The following MCM6 variants were observed in gnomAD, a reference collection of about 807,000 sequenced individuals.
MCM6 encodes DNA replication licensing factor MCM6.
MCM6 carries 46 observed loss-of-function variants against 94.3 expected under a neutral mutation model. The ratio of observed to expected loss-of-function variants is 0.49; its 90% CI spans 0.39 to 0.62. The LOEUF (loss-of-function observed/expected upper bound fraction) is 0.62, where lower values mean the gene tolerates loss of function less well. Among genes scored for constraint, MCM6 ranks in the 20% least tolerant of loss-of-function variants. MCM6 has a pLI of 0.00. For missense variants in MCM6, 865 were observed against 1,017.9 expected (o/e 0.85, Z 2.04); for synonymous variants, 335 against 351.9 (o/e 0.95, Z 0.54).
chr2:135,853,978 G>C (rs1447033114), intron 11 of MCM6, among the ~76,000 whole-genome samples: 1 of 152,160 alleles, frequency 6.6e-6, no homozygotes, highest in Non-Finnish European at 1.5e-5. Flanking sequence ...TGTAATCCTA[G>C]CACTTTGAGA....
In MCM6 at chr2:135,846,323, G is replaced by A; in HGVS notation, c.2123C>T (p.Ala708Val). The change falls in exon 15 of 17, where the codon GCT becomes GTT. Residue 708 changes from alanine to valine, a missense_variant. This residue lies in a region of MCM6 where 308 missense variants were observed against 324.5 expected (regional missense o/e 0.95). Transcript: ENST00000264156. Reference sequence around the variant, plus strand: ...GCCCAGCCTTAAGGAGGCTTTGGGAGCAGACTCTTGATTTATGTCTTCATT... The same window carrying A: ...GCCCAGCCTTAAGGAGGCTTTGGGAACAGACTCTTGATTTATGTCTTCATT... ...GYNEDINQES[A>V]PKASLRLGFS... 3 of 1,614,070 alleles carry A rather than the reference G, an allele frequency of 1.9e-6. No homozygotes were observed. Among genetic ancestry groups the A allele is most frequent in the South Asian group, 1.1e-5 (1 of 91,076 alleles).
chr2:135,862,498 C>A, intron 8 of MCM6, 109 bp downstream of exon 8: 2 of 1,154,576 alleles, frequency 1.7e-6, no homozygotes, highest in South Asian at 1.6e-5. Context: ...TCAACATAGT[C>A]ATAATTTACA....
intron 13 of MCM6, among the ~76,000 whole-genome samples, chr2:135,850,102 GA>G (rs906032084): frequency 1.3e-5 from 2 of 150,986 alleles, no homozygotes; most frequent in African/African-American, 4.9e-5. Flanking sequence ...CTATCACAAT[GA>G]AAAAAAAAGT....
intron 13 of MCM6, 150 bp from the exon 14 acceptor site, chr2:135,848,338 C>T (rs1679708793): frequency 1.8e-6 from 1 of 556,660 alleles, no homozygotes; most frequent in Non-Finnish European, 3.2e-6. Flanking sequence ...CAAACACCCT[C>T]TCTCATTCTC....
intron 13 of MCM6, among the ~76,000 whole-genome samples, chr2:135,848,800 G>C (rs1032372847): frequency 2.6e-5 from 4 of 152,022 alleles, no homozygotes; most frequent in African/African-American, 9.7e-5. Context: ...AAGAAGAATC[G>C]CTTGAACCTG....
At chr2:135,872,025 C>CAT (rs1201288879) in intron 2 of MCM6, among the ~76,000 whole-genome samples, 2 of 152,134 alleles carry the variant, frequency 1.3e-5, no homozygotes, top group Non-Finnish European at 2.9e-5. Context: ...GAAAAGGACC[C>CAT]ACACAAACAC....
At chr2:135,858,122 C>A (rs1287321352) in intron 9 of MCM6, 118 bp from the exon 10 acceptor site, 4 of 850,314 alleles carry the variant, frequency 4.7e-6, no homozygotes, top group Admixed American at 1.8e-5. Context: ...TAAGGCCGGG[C>A]ATTTGAGGTT....
At chr2:135,870,164 G>A in intron 3 of MCM6, 87 bp downstream of exon 3, 2 of 932,952 alleles carry the variant, frequency 2.1e-6, no homozygotes, top group South Asian at 2.8e-5. Context: ...AGCAGATCAA[G>A]GCAACCTCTC....
At position 135,876,378 on chromosome 2, in the gene MCM6, C is replaced by G. The variant is rs577651150; in HGVS notation, c.-13G>C. ...CCGCGAGGTCCATATTTGCTTAGTG[C>G]CGAGGATTCGCCTGCGCCACGCTCG... On this transcript the variant is annotated 5_prime_UTR_variant, in exon 1 of 17. Coordinates refer to ENST00000264156, the MANE Select transcript of MCM6 (RefSeq NM_005915.6). 15 of 1,592,644 alleles carry G rather than the reference C, an allele frequency of 9.4e-6. No homozygotes were observed. The highest frequency in any genetic ancestry group is 1.7e-4 in the Middle Eastern group (1 of 5,980).
chr2:135,849,546 G>C (rs1236127186), intron 13 of MCM6, among the ~76,000 whole-genome samples: 1 of 152,186 alleles, frequency 6.6e-6, no homozygotes, highest in Non-Finnish European at 1.5e-5. Flanking sequence ...CTTTAAAACA[G>C]AGCAAGCTGA....
chr2:135,876,413 A>G lies in MCM6; in HGVS notation c.-48T>C, dbSNP rs746162550. On this transcript the variant is annotated 5_prime_UTR_variant, in exon 1 of 17. Coordinates refer to ENST00000264156, the MANE Select transcript of MCM6 (RefSeq NM_005915.6). ...GCCTGCGCCACGCTCGACCGCCACA[A>G]GTCGCTTTTTTCCAGACGCTGCAGC... The G allele has an allele frequency of 3.3e-6, 5 of 1,513,382 alleles. No homozygotes were observed. The highest frequency in any genetic ancestry group is 3.6e-6 in the Non-Finnish European group (4 of 1,126,032). 93.7% of individuals were successfully genotyped at this position (1,513,382 alleles called of 1,614,324 possible).
intron 14 of MCM6, among the ~76,000 whole-genome samples, chr2:135,847,681 A>T (rs889142608): frequency 1.3e-5 from 2 of 152,270 alleles, no homozygotes; most frequent in African/African-American, 4.8e-5. Flanking sequence ...CTCCTGCCTC[A>T]GCCTCCCAGG....
At chr2:135,853,581 C>A (rs1679815245) in intron 11 of MCM6, among the ~76,000 whole-genome samples, 1 of 151,892 alleles carries the variant, frequency 6.6e-6, no homozygotes. Context: ...TGATATTATC[C>A]CCATTTTATA....
intron 4 of MCM6, among the ~76,000 whole-genome samples, chr2:135,867,618 A>C (rs1194410198): frequency 6.6e-6 from 1 of 152,136 alleles, no homozygotes; most frequent in Admixed American, 6.5e-5. Context: ...TCCTGCTGAA[A>C]TCTGAGGGTC....
At chr2:135,857,238 A>C (rs1181016140) in intron 10 of MCM6, among the ~76,000 whole-genome samples, 2 of 152,248 alleles carry the variant, frequency 1.3e-5, no homozygotes, top group African/African-American at 4.8e-5. Flanking sequence ...AAATTAATAA[A>C]AAACCAAAGT....
intron 9 of MCM6, among the ~76,000 whole-genome samples, chr2:135,858,345 G>C (rs1354957827): frequency 6.6e-6 from 1 of 152,106 alleles, no homozygotes; most frequent in Non-Finnish European, 1.5e-5. Context: ...AAATTAGCCA[G>C]GTGTGGTGGT....
intron 9 of MCM6, among the ~76,000 whole-genome samples, chr2:135,858,324 T>C (rs771092405): frequency 2.6e-5 from 4 of 152,094 alleles, no homozygotes; most frequent in East Asian, 1.9e-4. Context: ...CCGTCTCTAC[T>C]GAAAATACAA....
chr2:135,859,534 G>C (rs1268148609), intron 8 of MCM6, 92 bp from the exon 9 acceptor site: 5 of 794,924 alleles, frequency 6.3e-6, no homozygotes, highest in East Asian at 2.7e-5. Flanking sequence ...ATTACTGAAA[G>C]AACATTTGAG....
intron 2 of MCM6, among the ~76,000 whole-genome samples, chr2:135,872,007 C>T (rs1680210477): frequency 1.3e-5 from 2 of 152,130 alleles, no homozygotes; most frequent in Admixed American, 6.5e-5. Context: ...AAGATATCCC[C>T]AGTACAAGAA....
Sources: gnomAD v4.1 joint callset for allele counts (sites outside exome capture counted in the v4.1 genomes callset) on GRCh38, gnomAD v4.1.1 for gene constraint, gnomAD v4.1.1 regional missense constraint, MANE v1.5 for transcripts, NCBI Gene and HGNC (gene_info 2026-07-23, HGNC 2026-07-21) for gene names.